ERCC8: variants seen among roughly 807,000 people sequenced by gnomAD.
ERCC8 encodes the protein DNA excision repair protein ERCC-8.
ERCC8 carries 52 observed loss-of-function variants against 54.9 expected under a neutral mutation model. That is an observed-to-expected ratio of 0.95 (90% CI 0.76 to 1.19). The LOEUF is 1.19. Ranked by LOEUF, ERCC8 falls within the 50% of genes most tolerant of loss-of-function variation. The pLI, the probability that ERCC8 is intolerant of heterozygous loss-of-function variation, is 0.00. For missense variants in ERCC8, 514 were observed against 466.1 expected, an observed-to-expected ratio of 1.10 and a Z score of -0.95; for synonymous variants, 146 against 157.2, an observed-to-expected ratio of 0.93 and a Z score of 0.53.
At chr5:60,892,601 G>A (rs1366933668) in intron 9 of ERCC8, 2 of 672,922 alleles carry the variant, frequency 3.0e-6, no homozygotes, top group African/African-American at 1.8e-5. Flanking sequence ...CAGTAGTCTG[G>A]TACCCAGAGA....
intron 11 of ERCC8, among the ~76,000 whole-genome samples, chr5:60,884,523 GTT>G (rs71606648): frequency 1.6e-4 from 20 of 128,112 alleles, no homozygotes; most frequent in East Asian, 4.6e-4. Context: ...GTGTGTATGT[GTT>G]TTTTTTTTTT....
chr5:60,922,115 C>G lies in ERCC8; in HGVS notation c.214G>C (p.Asp72His). The G allele has an allele frequency of 3.7e-6, 6 of 1,610,408 alleles. No individual in the cohort carries two copies. Among genetic ancestry groups the G allele is most frequent in the Non-Finnish European group, 5.1e-6 (6 of 1,177,708 alleles). Residue 72 changes from aspartate (D) to histidine (H), a missense_variant, in exon 3 of 12, where the codon GAC becomes CAC. Coordinates refer to ENST00000676185, the MANE Select transcript of ERCC8 (RefSeq NM_000082.4). ...GATTGTCTGCTGGAGTTCTCAAGGT[C>G]ATAAAGTACAATCACACCATCTGAA... ...GGSDGVIVLY[D>H]LENSSRQSYY...
chr5:60,895,073 A>C (rs1184155432), intron 9 of ERCC8, among the ~76,000 whole-genome samples: 1 of 150,298 alleles, frequency 6.7e-6, no homozygotes, highest in Non-Finnish European at 1.5e-5. Context: ...CAGGAGGCTG[A>C]GAGAGAGAAT....
chr5:60,879,296 G>T (rs1441037832), intron 11 of ERCC8, among the ~76,000 whole-genome samples: 1 of 152,154 alleles, frequency 6.6e-6, no homozygotes, highest in African/African-American at 2.4e-5. Context: ...CAACTATGTG[G>T]TCAATTTTGG....
At chr5:60,939,772 A>G (rs1203411203) in intron 1 of ERCC8, among the ~76,000 whole-genome samples, 1 of 152,204 alleles carries the variant, frequency 6.6e-6, no homozygotes, top group Non-Finnish European at 1.5e-5. Context: ...CTGGGATTAC[A>G]GGCTGCAATA....
At chr5:60,915,405 G>A (rs1162105990) in intron 4 of ERCC8, 1 of 152,008 alleles carries the variant, frequency 6.6e-6, no homozygotes, top group South Asian at 2.1e-4. Flanking sequence ...CAAACATAAA[G>A]CTTGTCTGCT....
At chr5:60,887,671 T>C (rs1389114195) in intron 10 of ERCC8, 151 bp from the exon 11 acceptor site, 2 of 667,926 alleles carry the variant, frequency 3.0e-6, no homozygotes, top group Non-Finnish European at 5.4e-6. Flanking sequence ...TGTTTTTCCT[T>C]TGTTTCTTTG....
intron 4 of ERCC8, among the ~76,000 whole-genome samples, chr5:60,908,699 C>A (rs747823137): frequency 5.3e-5 from 8 of 150,754 alleles, no homozygotes; most frequent in Admixed American, 1.3e-4. Flanking sequence ...AGAGAAAAGT[C>A]ATGACATTAT....
At chr5:60,910,872 T>G (rs1372655483) in intron 4 of ERCC8, among the ~76,000 whole-genome samples, 1 of 152,128 alleles carries the variant, frequency 6.6e-6, no homozygotes, top group African/African-American at 2.4e-5. Context: ...TTTGCTTTAT[T>G]GCACTGACTA....
chr5:60,890,511 G>C (rs1240547407), intron 10 of ERCC8, among the ~76,000 whole-genome samples: 1 of 152,012 alleles, frequency 6.6e-6, no homozygotes, highest in Non-Finnish European at 1.5e-5. Flanking sequence ...AGGAAGAATA[G>C]ATCATCCACA....
At chr5:60,895,480 T>C (rs1033570690) in intron 9 of ERCC8, among the ~76,000 whole-genome samples, 4 of 152,190 alleles carry the variant, frequency 2.6e-5, no homozygotes, top group African/African-American at 9.7e-5. Context: ...AACCACTTCG[T>C]TTCATTCTTC....
intron 2 of ERCC8, among the ~76,000 whole-genome samples, chr5:60,925,253 T>C (rs1221170823): frequency 2.6e-5 from 4 of 152,236 alleles, no homozygotes; most frequent in Admixed American, 2.6e-4. Flanking sequence ...GGAAGCTTAC[T>C]TTCAGAGATT....
chr5:60,912,079 T>C (rs895272179), intron 4 of ERCC8, among the ~76,000 whole-genome samples: 1 of 152,100 alleles, frequency 6.6e-6, no homozygotes, highest in Non-Finnish European at 1.5e-5. Flanking sequence ...ATGCGGGCTC[T>C]TTTTTGGTTT....
intron 5 of ERCC8, 81 bp from the exon 6 acceptor site, chr5:60,903,797 T>C: frequency 7.3e-7 from 1 of 1,370,958 alleles, no homozygotes; most frequent in Non-Finnish European, 1.0e-6. Flanking sequence ...TTAGTAATCA[T>C]GACATTTTCA....
At chr5:60,878,065 A>G (rs1228272413) in intron 11 of ERCC8, among the ~76,000 whole-genome samples, 1 of 152,188 alleles carries the variant, frequency 6.6e-6, no homozygotes, top group African/African-American at 2.4e-5. Context: ...TAATTTATTG[A>G]GAGTTTTTAG....
rs558557208 is a variant in ERCC8, at chr5:60,886,573, G to A, written c.1122+867C>T. ...AAAAATTAGCCAGGCGTGGTGGCGG[G>A]TACCTGTAATCCCAACTACTTGGGA... On this transcript the variant is annotated intron_variant, in intron 11 of 11. Transcript: ENST00000676185. Among the ~76,000 whole-genome samples the A allele has an allele frequency of 4.0e-5, 6 of 151,884 alleles. No individual in the cohort carries two copies. The East Asian group carries it at 1.2e-3, about 30-fold the overall frequency.
rs182401243 is a variant in ERCC8 at position 60,903,575 on chromosome 5, C to T, written c.550+73G>A. On this transcript the variant is annotated intron_variant, in intron 6 of 11. Transcript: ENST00000676185. ...TTAGTCATGTCACTTACAAAGAATA[C>T]ACTGTTAGTAACGTTTCTTTTTATT... 2,660 of 1,598,054 alleles carry T rather than the reference C, an allele frequency of 1.7e-3. 4 individuals are homozygous for T. Among genetic ancestry groups the T allele is most frequent in the Middle Eastern group, 7.3e-3 (41 of 5,620 alleles).
At position 60,884,448 on chromosome 5, in the gene ERCC8, C is replaced by A. The variant is rs528603804; in HGVS notation, c.1122+2992G>T. Among the ~76,000 whole-genome samples, 278 of 140,768 alleles carry A rather than the reference C, an allele frequency of 2.0e-3. 3 individuals are homozygous for A. The highest frequency in any genetic ancestry group is 5.7e-3 in the African/African-American group (216 of 37,664). 92.3% of individuals were successfully genotyped at this position (140,768 alleles called of 152,430 possible). ...CCGAGATTGTGCCACTGCACTCCAG[C>A]CTGGGTGACAGAGCCAGACTCCTTC... On this transcript the variant is annotated intron_variant, in intron 11 of 11. Coordinates refer to ENST00000676185, the MANE Select transcript of ERCC8 (RefSeq NM_000082.4).
intron 11 of ERCC8, among the ~76,000 whole-genome samples, chr5:60,883,453 C>T (rs1748304986): frequency 6.6e-6 from 1 of 152,150 alleles, no homozygotes; most frequent in South Asian, 2.1e-4. Context: ...ACATATTCAT[C>T]TATATCTCAC....
Sources: allele counts gnomAD v4.1 joint callset (sites outside exome capture counted in the v4.1 genomes callset), GRCh38; gene constraint gnomAD v4.1.1; transcripts MANE v1.5; gene names NCBI Gene and HGNC (gene_info 2026-07-23, HGNC 2026-07-21).